Variants in BASP1 observed in about 807,000 individuals in gnomAD.
BASP1 encodes brain abundant membrane attached signal protein 1.
A neutral mutation model predicts 2.2 loss-of-function variants in BASP1; 1 was observed. The observed-to-expected ratio is 0.46, with a 90% CI of 0.16 to 2.17. BASP1 has a LOEUF of 2.17. Ranked by LOEUF, BASP1 falls within the 30% of genes most tolerant of loss-of-function variation. BASP1 has a pLI of 0.27. For missense variants in BASP1, 352 were observed against 327.2 expected, an observed-to-expected ratio of 1.08 and a Z score of -0.58; for synonymous variants, 187 against 154.2, an observed-to-expected ratio of 1.21 and a Z score of -1.58.
In BASP1 at chr5:17,235,385, C is replaced by T. The variant is rs13185449; in HGVS notation, c.-10+17575C>T. Among the ~76,000 whole-genome samples the T allele has an allele frequency of 9.0e-3, 1,374 of 151,964 alleles. 14 individuals carry two copies. The highest frequency in any genetic ancestry group is 0.016 in the Admixed American group (241 of 15,254). ...ACGCCATTCTCCTGCCTCAGCCTCC[C>T]GAGTAGCTGGGATTACAGGTGCCCG... is the stretch of plus-strand genomic sequence containing the variant. On this transcript the variant is annotated intron_variant, in intron 1 of 1. Transcript: ENST00000322611.
Position 17,273,304 on chromosome 5 carries a change from ATGTT to A in BASP1, c.-9-1898_-9-1895del, listed in dbSNP as rs367720536. ...TATTTAATTGTATTTTTTGCCATGT[ATGTT>A]TGTTTCTACTTTTGAGGGAGAAATA... On this transcript the variant is annotated intron_variant, in intron 1 of 1. Transcript: ENST00000322611. Among the ~76,000 whole-genome samples, 762 of 152,176 alleles carry A rather than the reference ATGTT, an allele frequency of 5.0e-3. 6 individuals carry two copies. The highest frequency in any genetic ancestry group is 0.017 in the African/African-American group (720 of 41,516).
chr5:17,251,431 C>T lies in BASP1; in HGVS notation c.-9-23777C>T, dbSNP rs1034124083. Among the ~76,000 whole-genome samples, 1 of 152,156 alleles carries T rather than the reference C, an allele frequency of 6.6e-6. No individual in the cohort carries two copies. The highest frequency in any genetic ancestry group is 2.4e-5 in the African/African-American group (1 of 41,434). ...TATATAAAATGATTTTACATCAATA[C>T]AAAACCATTAAATATATGTTAAAAA... On this transcript the variant is annotated intron_variant, in intron 1 of 1. Coordinates refer to ENST00000322611, the MANE Select transcript of BASP1 (RefSeq NM_006317.5). The surrounding 1 kb of genome is among the most constrained non-coding windows in gnomAD (Gnocchi z 4.0).
intron 1 of BASP1, among the ~76,000 whole-genome samples, chr5:17,225,936 T>C (rs899921359): frequency 5.3e-5 from 8 of 152,250 alleles, no homozygotes; most frequent in Non-Finnish European, 1.2e-4. Flanking sequence ...GTGCTTAAGA[T>C]GCTAAAACAC....
In BASP1 at chr5:17,220,936, CTG is replaced by C. The variant is rs139451566; in HGVS notation, c.-10+3130_-10+3131del. On this transcript the variant is annotated intron_variant, in intron 1 of 1. Coordinates refer to ENST00000322611, the MANE Select transcript of BASP1 (RefSeq NM_006317.5). ...GATTTGATCACTCTAAAATGGATGTCTGTGTTATTTACGGTAGTTTTGTAAAA... is the reference window on the plus strand; with the variant it reads ...GATTTGATCACTCTAAAATGGATGTCTGTTATTTACGGTAGTTTTGTAAAA... Among the ~76,000 whole-genome samples, 1,513 of 152,222 alleles carry C rather than the reference CTG, an allele frequency of 9.9e-3. 18 individuals carry two copies. The highest frequency in any genetic ancestry group is 0.041 in the Middle Eastern group (12 of 294).
Position 17,261,552 on chromosome 5 carries a change from G to A in BASP1, c.-9-13656G>A, listed in dbSNP as rs140801243. Among the ~76,000 whole-genome samples, 233 of 152,302 alleles carry A rather than the reference G, an allele frequency of 1.5e-3. 3 individuals are homozygous for A. In the East Asian group the frequency reaches 0.028, roughly 18 times the overall value. ...ATAATTCAGATTTAACCATATTCATGTAAAAGAGAGCATGTTGAGTTGGAA... is the reference window on the plus strand; with the variant it reads ...ATAATTCAGATTTAACCATATTCATATAAAAGAGAGCATGTTGAGTTGGAA... On this transcript the variant is annotated intron_variant, in intron 1 of 1. Transcript: ENST00000322611.
At chr5:17,221,862 C>T (rs565085366) in intron 1 of BASP1, among the ~76,000 whole-genome samples, 171 of 152,042 alleles carry the variant, frequency 1.1e-3, no homozygotes, top group South Asian at 7.9e-3. Context: ...CTCAGGAAAT[C>T]GTATAAAGAC....
At chr5:17,218,343 T>C (rs1739311100) in intron 1 of BASP1, among the ~76,000 whole-genome samples, 1 of 151,558 alleles carries the variant, frequency 6.6e-6, no homozygotes, top group African/African-American at 2.4e-5. Context: ...CAGAAGGAAG[T>C]GGGTGGCTTT....
intron 1 of BASP1, among the ~76,000 whole-genome samples, chr5:17,258,345 G>A (rs1740254610): frequency 6.6e-6 from 1 of 152,296 alleles, no homozygotes; most frequent in South Asian, 2.1e-4. Context: ...AAAAGCATTA[G>A]TTTTCAAAGT....
chr5:17,237,597 C>A (rs1739774785), intron 1 of BASP1, among the ~76,000 whole-genome samples: 1 of 149,300 alleles, frequency 6.7e-6, no homozygotes, highest in East Asian at 2.0e-4. Flanking sequence ...CTGGTTCTTG[C>A]TAGGTGAGTG....
intron 1 of BASP1, among the ~76,000 whole-genome samples, chr5:17,263,058 A>C (rs1447804491): frequency 3.9e-5 from 6 of 152,136 alleles, no homozygotes; most frequent in Non-Finnish European, 8.8e-5. Context: ...CGTATTAGCC[A>C]GGATGGTCTC....
chr5:17,218,070 G>A (rs1300362676), intron 1 of BASP1, among the ~76,000 whole-genome samples: 1 of 151,126 alleles, frequency 6.6e-6, no homozygotes, highest in Non-Finnish European at 1.5e-5. Context: ...GGGCGGCGAG[G>A]TTGGTAAACG....
intron 1 of BASP1, among the ~76,000 whole-genome samples, chr5:17,234,454 T>A (rs1468575610): frequency 6.6e-6 from 1 of 152,218 alleles, no homozygotes; most frequent in Non-Finnish European, 1.5e-5. Flanking sequence ...AAATGAAACA[T>A]CAGTGGCATT....
chr5:17,234,381 TAAA>T (rs113548632), intron 1 of BASP1, among the ~76,000 whole-genome samples: 1 of 148,530 alleles, frequency 6.7e-6, no homozygotes, highest in Admixed American at 6.7e-5. Context: ...AAGCCGTAAG[TAAA>T]AAAAAAAATT....
rs1740096899 is a variant in BASP1 at position 17,251,238 on chromosome 5, C to T, written c.-9-23970C>T. 1.3e-5 allele frequency among the ~76,000 whole-genome samples: 2 copies of T among 151,798 alleles called. No homozygotes were observed. Among genetic ancestry groups the T allele is most frequent in the Admixed American group, 6.6e-5 (1 of 15,242 alleles). On this transcript the variant is annotated intron_variant, in intron 1 of 1. Coordinates refer to ENST00000322611, the MANE Select transcript of BASP1 (RefSeq NM_006317.5). The surrounding 1 kb of genome is among the most constrained non-coding windows in gnomAD (Gnocchi z 4.0). ...CAAAACCATTAAATATCCCAAATAC[C>T]CCGATTTTATCATTACACATTGTAT...
intron 1 of BASP1, among the ~76,000 whole-genome samples, chr5:17,254,055 T>C (rs1484456907): frequency 6.6e-6 from 1 of 152,138 alleles, no homozygotes; most frequent in East Asian, 1.9e-4. Flanking sequence ...TACTTGAGTT[T>C]TTGGTAATTT....
Position 17,260,890 on chromosome 5 carries a change from AGGCCT to A in BASP1, c.-9-14310_-9-14306del, listed in dbSNP as rs1380019982. Among the ~76,000 whole-genome samples, 1 of 152,256 alleles carries A rather than the reference AGGCCT, an allele frequency of 6.6e-6. No homozygotes were observed. Among genetic ancestry groups the A allele is most frequent in the Non-Finnish European group, 1.5e-5 (1 of 68,050 alleles). On this transcript the variant is annotated intron_variant, in intron 1 of 1. Coordinates refer to ENST00000322611, the MANE Select transcript of BASP1 (RefSeq NM_006317.5). This position sits in a 1 kb window ranked among gnomAD's most constrained non-coding sequence, Gnocchi z 4.2. ...ATCCAACAATATAAAAGGGTTAAGC[AGGCCT>A]GGCCTGGTGGTGGCTAACACCTGTA...
chr5:17,268,652 A>G (rs1740473922), intron 1 of BASP1, among the ~76,000 whole-genome samples: 1 of 152,324 alleles, frequency 6.6e-6, no homozygotes, highest in South Asian at 2.1e-4. Context: ...GGGATAAGGA[A>G]TATCTTCTGT....
chr5:17,260,080 A>G lies in BASP1; in HGVS notation c.-9-15128A>G, dbSNP rs754817160. 6.6e-5 allele frequency among the ~76,000 whole-genome samples: 10 copies of G among 152,212 alleles called. No individual in the cohort carries two copies. Among genetic ancestry groups the G allele is most frequent in the Non-Finnish European group, 1.3e-4 (9 of 68,030 alleles). On this transcript the variant is annotated intron_variant, in intron 1 of 1. Transcript: ENST00000322611. This position sits in a 1 kb window ranked among gnomAD's most constrained non-coding sequence, Gnocchi z 4.2. ...GGTGATTCATGTAAAATCATATGTT[A>G]GGCTGCAATAACTGGGGCTTTTGAA...
intron 1 of BASP1, among the ~76,000 whole-genome samples, chr5:17,273,158 G>A (rs986173501): frequency 7.9e-5 from 12 of 152,124 alleles, no homozygotes; most frequent in African/African-American, 2.7e-4. Context: ...TAGGCCATTC[G>A]TGCATACTGA....
Sources: allele counts gnomAD v4.1 joint callset (sites outside exome capture counted in the v4.1 genomes callset), GRCh38; gene constraint gnomAD v4.1.1; non-coding constraint Gnocchi (gnomAD v3.1); transcripts MANE v1.5; gene names NCBI Gene and HGNC (gene_info 2026-07-23, HGNC 2026-07-21).